Variants in CSRP3 observed in about 807,000 individuals in gnomAD.
CSRP3 encodes the protein cysteine and glycine rich protein 3, also known as cysteine and glycine-rich protein 3.
In CSRP3, 24 loss-of-function variants were observed where a neutral mutation model predicts 24.3. The ratio of observed to expected loss-of-function variants is 0.99; its 90% confidence interval spans 0.71 to 1.39. CSRP3 has a LOEUF of 1.39. Among genes scored for constraint, CSRP3 ranks in the 40% most tolerant of loss-of-function variants. The pLI is 0.00. For missense variants in CSRP3, 240 were observed against 249.0 expected (o/e 0.96, Z 0.24); for synonymous variants, 105 against 94.0 (o/e 1.12, Z -0.68).
chr11:19,193,606 G>T (rs1439394591), intron 1 of CSRP3, among the ~76,000 whole-genome samples: 1 of 152,222 alleles, frequency 6.6e-6, no homozygotes, highest in Non-Finnish European at 1.5e-5. Flanking sequence ...TGATCTGCCC[G>T]CCTTGGCCTT....
Position 19,188,613 on chromosome 11 carries a change from A to AGTGTGTGTGTGT in CSRP3, c.113-321_113-310dup, listed in dbSNP as rs138192808. On this transcript the variant is annotated intron_variant, in intron 2 of 5. Transcript: ENST00000265968. The stretch of plus-strand genomic sequence containing the variant: ...GAGTCTTCCCAAATGACATCAGGGA[A>AGTGTGTGTGTGT]GTGTGTGTGTGTGTGTGTGTGTGTG... 3.4e-3 allele frequency among the ~76,000 whole-genome samples: 478 copies of AGTGTGTGTGTGT among 140,944 alleles called. 3 individuals carry two copies. The highest frequency in any genetic ancestry group is 2.1e-3 in the African/African-American group (80 of 38,458). The allele number at this position is 140,944 out of a possible 152,430, so 92.5% of individuals were successfully genotyped here.
intron 1 of CSRP3, among the ~76,000 whole-genome samples, chr11:19,199,754 A>G (rs1197538479): frequency 6.6e-6 from 1 of 152,240 alleles, no homozygotes; most frequent in African/African-American, 2.4e-5. Flanking sequence ...AGTAAAGCTC[A>G]GAAAAGGCTC....
intron 3 of CSRP3, among the ~76,000 whole-genome samples, chr11:19,187,461 C>A (rs1488771303): frequency 6.6e-6 from 1 of 152,194 alleles, no homozygotes. Context: ...AGTGTCAGGC[C>A]AGTGGCCATC....
intron 1 of CSRP3, among the ~76,000 whole-genome samples, chr11:19,198,477 G>T (rs1175660415): frequency 6.6e-6 from 1 of 152,208 alleles, no homozygotes; most frequent in African/African-American, 2.4e-5. Context: ...CATGGAAAGG[G>T]CTTCCTTGGA....
At chr11:19,186,894 C>T (rs1389743986) in intron 3 of CSRP3, among the ~76,000 whole-genome samples, 1 of 152,158 alleles carries the variant, frequency 6.6e-6, no homozygotes, top group East Asian at 1.9e-4. Context: ...GAACAATGTC[C>T]AAAATAGAGA....
In CSRP3 at chr11:19,200,068, A is replaced by G. The variant is rs1195930427; in HGVS notation, c.-29+1886T>C. Among the ~76,000 whole-genome samples, 9 of 152,040 alleles carry G rather than the reference A, an allele frequency of 5.9e-5. 1 individual carries two copies. The highest frequency in any genetic ancestry group is 1.2e-4 in the Non-Finnish European group (8 of 68,018). ...TACCCACTCTGACCTCTGGACTTTT[A>G]TCAGCACGCTTGTACTTAGCAGGAA... On this transcript the variant is annotated intron_variant, in intron 1 of 5. Coordinates refer to ENST00000265968, the MANE Select transcript of CSRP3 (RefSeq NM_003476.5).
Position 19,193,648 on chromosome 11 carries a change from C to T in CSRP3, c.-28-1172G>A, listed in dbSNP as rs144547335. ...TGCTGGAATTACAGGCTTGAGCCACCGTGCCCGGCCTAAACAAAAATTAGC... is the reference window on the plus strand; with the variant it reads ...TGCTGGAATTACAGGCTTGAGCCACTGTGCCCGGCCTAAACAAAAATTAGC... On this transcript the variant is annotated intron_variant, in intron 1 of 5. Transcript: ENST00000265968. Among the ~76,000 whole-genome samples, 422 of 152,130 alleles carry T rather than the reference C, an allele frequency of 2.8e-3. 1 individual carries two copies. The highest frequency in any genetic ancestry group is 9.5e-3 in the African/African-American group (395 of 41,528).
intron 1 of CSRP3, among the ~76,000 whole-genome samples, chr11:19,194,980 C>T (rs1565054179): frequency 6.6e-6 from 1 of 151,988 alleles, no homozygotes; most frequent in Non-Finnish European, 1.5e-5. Flanking sequence ...AGACAAGATT[C>T]AGAATGCTCT....
In CSRP3 at chr11:19,182,640, C is replaced by A. The variant is rs757882490; in HGVS notation, c.*30G>T. On this transcript the variant is annotated 3_prime_UTR_variant, in exon 6 of 6. Transcript: ENST00000265968. ...GATTACTTGGCAAGTGTTTTAGGCT[C>A]GCAAAAAATCTGAGAAACGGCGCAC... 1 of 1,595,236 alleles carries A rather than the reference C, an allele frequency of 6.3e-7. No homozygotes were observed. The highest frequency in any genetic ancestry group is 8.6e-7 in the Non-Finnish European group (1 of 1,162,838).
intron 2 of CSRP3, among the ~76,000 whole-genome samples, chr11:19,188,613 A>AGTGTGTGTGTGTGTGTGTGTGT (rs138192808): frequency 2.6e-4 from 37 of 140,964 alleles, no homozygotes; most frequent in African/African-American, 9.4e-4. Context: ...ACATCAGGGA[A>AGTGTGTGTGTGTGTGTGTGTGT]GTGTGTGTGT....
At chr11:19,187,232 A>C (rs937522003) in intron 3 of CSRP3, among the ~76,000 whole-genome samples, 4 of 152,250 alleles carry the variant, frequency 2.6e-5, no homozygotes, top group Admixed American at 6.5e-5. Flanking sequence ...AGACAAACTA[A>C]CAAAAAGAAG....
chr11:19,185,071 T>C (rs1281454214), intron 4 of CSRP3, 26 bp from the exon 5 acceptor site: 2 of 1,531,120 alleles, frequency 1.3e-6, no homozygotes, highest in African/African-American at 1.4e-5. Context: ...AAGTTGCATA[T>C]TTAATGAGGT....
chr11:19,186,438 C>T (rs779068678), intron 3 of CSRP3, 90 bp from the exon 4 acceptor site: 14 of 1,494,800 alleles, frequency 9.4e-6, no homozygotes, highest in African/African-American at 6.9e-5. Flanking sequence ...ACCTCACTTC[C>T]GTGTGTCTCA....
At chr11:19,195,672 G>A (rs888061386) in intron 1 of CSRP3, among the ~76,000 whole-genome samples, 1 of 130,734 alleles carries the variant, frequency 7.6e-6, no homozygotes, top group Admixed American at 8.9e-5. Context: ...CCTCTTGGGG[G>A]ATAAAAATAC....
chr11:19,193,962 C>G (rs1249156284), intron 1 of CSRP3, among the ~76,000 whole-genome samples: 1 of 152,156 alleles, frequency 6.6e-6, no homozygotes, highest in African/African-American at 2.4e-5. Context: ...TTCAGCTGCC[C>G]AGGGGAGCTG....
intron 1 of CSRP3, among the ~76,000 whole-genome samples, chr11:19,200,292 A>G (rs967898415): frequency 6.6e-6 from 1 of 152,242 alleles, no homozygotes; most frequent in Admixed American, 6.5e-5. Flanking sequence ...AGTGATATTC[A>G]GAGCTATAAT....
rs1415677989 is a variant in CSRP3, at chr11:19,182,505, C to G, written c.*165G>C. ...AGATTAAACTTTACATAATTTTCTT[C>G]CAAAGGCCTCTTCTAACATTCAGTA... On this transcript the variant is annotated 3_prime_UTR_variant, in exon 6 of 6. Coordinates refer to ENST00000265968, the MANE Select transcript of CSRP3 (RefSeq NM_003476.5). The G allele has an allele frequency of 5.8e-6, 4 of 690,684 alleles. No homozygotes were observed. The highest frequency in any genetic ancestry group is 1.1e-5 in the Non-Finnish European group (4 of 379,050). 42.8% of individuals were successfully genotyped at this position (690,684 alleles called of 1,614,324 possible). A position where few individuals can be genotyped will look rare whatever the true frequency, so the allele number is the denominator to read the frequency against.
intron 1 of CSRP3, among the ~76,000 whole-genome samples, chr11:19,199,971 G>A (rs77055095): frequency 0.23 from 34,275 of 152,126 alleles, 4,312 homozygotes; most frequent in Admixed American, 0.36. Context: ...TTTCCTGTGT[G>A]TTATATTCCT....
At chr11:19,198,655 G>T (rs554018710) in intron 1 of CSRP3, among the ~76,000 whole-genome samples, 2 of 152,334 alleles carry the variant, frequency 1.3e-5, no homozygotes, top group East Asian at 1.9e-4. Flanking sequence ...CCAATGGGGT[G>T]CCCTCTCAAA....
Sources: gnomAD v4.1 joint callset for allele counts (sites outside exome capture counted in the v4.1 genomes callset) on GRCh38, gnomAD v4.1.1 for gene constraint, MANE v1.5 for transcripts, NCBI Gene and HGNC (gene_info 2026-07-23, HGNC 2026-07-21) for gene names.